SLC2A13: variants seen among roughly 807,000 people sequenced by gnomAD.
SLC2A13 encodes the protein proton myo-inositol cotransporter.
In SLC2A13, 32 loss-of-function variants were observed where a neutral mutation model predicts 64.4. The ratio of observed to expected loss-of-function variants is 0.50; its 90% CI spans 0.37 to 0.67. The LOEUF (loss-of-function observed/expected upper bound fraction) is 0.67, where lower values mean the gene tolerates loss of function less well. Ranked by LOEUF, SLC2A13 falls within the 30% of genes least tolerant of loss-of-function variation. SLC2A13 has a pLI of 0.00. For missense variants in SLC2A13, 743 were observed against 829.2 expected, an observed-to-expected ratio of 0.90 and a Z score of 1.28; for synonymous variants, 338 against 327.1, an observed-to-expected ratio of 1.03 and a Z score of -0.36.
At chr12:40,041,202 C>T (rs1289008915) in intron 2 of SLC2A13, among the ~76,000 whole-genome samples, 1 of 152,186 alleles carries the variant, frequency 6.6e-6, no homozygotes, top group East Asian at 1.9e-4. Context: ...AAACCCAAAT[C>T]TAATGTGTTA....
intron 3 of SLC2A13, among the ~76,000 whole-genome samples, chr12:39,971,997 A>ATATATATATATATATATATATAT (rs1555144633): frequency 1.0e-4 from 8 of 77,346 alleles, no homozygotes; most frequent in Non-Finnish European, 1.2e-4. Flanking sequence ...AAAAAAAAAA[A>ATATATATATATATATATATATAT]ATATATATAT....
intron 6 of SLC2A13, among the ~76,000 whole-genome samples, chr12:39,855,592 G>T (rs1943587200): frequency 6.6e-6 from 1 of 152,084 alleles, no homozygotes; most frequent in Non-Finnish European, 1.5e-5. Context: ...GTTGTTGTTT[G>T]TTTGTTTTTA....
intron 7 of SLC2A13, among the ~76,000 whole-genome samples, chr12:39,783,362 T>A (rs1941067920): frequency 6.6e-6 from 1 of 152,208 alleles, no homozygotes; most frequent in African/African-American, 2.4e-5. Flanking sequence ...GCAGCATGAT[T>A]TATAATTCTT....
chr12:40,055,083 T>C (rs1258298334), intron 1 of SLC2A13, among the ~76,000 whole-genome samples: 1 of 152,198 alleles, frequency 6.6e-6, no homozygotes, highest in African/African-American at 2.4e-5. Context: ...GCTGATATGT[T>C]TACATTTTTT....
At chr12:39,916,372 A>C (rs1403227368) in intron 4 of SLC2A13, among the ~76,000 whole-genome samples, 2 of 151,986 alleles carry the variant, frequency 1.3e-5, no homozygotes. Context: ...AAACATGTAG[A>C]TCTCCCTGTT....
At chr12:40,009,417 G>T (rs1361015899) in intron 3 of SLC2A13, among the ~76,000 whole-genome samples, 1 of 151,988 alleles carries the variant, frequency 6.6e-6, no homozygotes, top group Non-Finnish European at 1.5e-5. Flanking sequence ...AGAACATTAA[G>T]GTTTTTTTGT....
chr12:39,951,058 A>T (rs1946220747), intron 4 of SLC2A13, 199 bp downstream of exon 4: 3 of 454,242 alleles, frequency 6.6e-6, no homozygotes, highest in Non-Finnish European at 1.2e-5. Context: ...CATATAACAA[A>T]CAAAATAAAT....
chr12:39,913,383 TAAAC>T (rs1292460222), intron 4 of SLC2A13, among the ~76,000 whole-genome samples: 6 of 150,826 alleles, frequency 4.0e-5, no homozygotes, highest in African/African-American at 1.2e-4. Flanking sequence ...ATCGAAAAAA[TAAAC>T]AATAAAGTAC....
At chr12:39,971,983 G>GGAAAAA (rs1946653695) in intron 3 of SLC2A13, among the ~76,000 whole-genome samples, 1 of 95,808 alleles carries the variant, frequency 1.0e-5, no homozygotes. Flanking sequence ...AGTGTCTCCA[G>GGAAAAA]AAAAAAAAAA....
At chr12:40,063,098 G>A (rs1449418155) in intron 1 of SLC2A13, among the ~76,000 whole-genome samples, 1 of 151,600 alleles carries the variant, frequency 6.6e-6, no homozygotes, top group Non-Finnish European at 1.5e-5. Flanking sequence ...CCATTTTCCG[G>A]TATCTATTTT....
intron 7 of SLC2A13, among the ~76,000 whole-genome samples, chr12:39,771,321 G>C (rs1312469955): frequency 6.6e-6 from 1 of 152,152 alleles, no homozygotes; most frequent in Non-Finnish European, 1.5e-5. Context: ...ATGTGATTAA[G>C]TAAGTAAGAT....
chr12:39,853,607 CT>C (rs748984164), intron 6 of SLC2A13, among the ~76,000 whole-genome samples: 50 of 136,062 alleles, frequency 3.7e-4, no homozygotes, highest in Admixed American at 3.7e-4. Context: ...TTCTTTCTTT[CT>C]TTTTTTTTTT....
At chr12:40,103,946 C>G (rs1939221668) in intron 1 of SLC2A13, among the ~76,000 whole-genome samples, 1 of 152,162 alleles carries the variant, frequency 6.6e-6, no homozygotes, top group Non-Finnish European at 1.5e-5. Flanking sequence ...GTACAATAAA[C>G]AGCAAAAGGA....
chr12:40,084,029 A>T (rs1283303335), intron 1 of SLC2A13, among the ~76,000 whole-genome samples: 1 of 152,266 alleles, frequency 6.6e-6, no homozygotes, highest in South Asian at 2.1e-4. Context: ...ATACAAGTAT[A>T]GATTTGGGAG....
chr12:40,028,640 T>C, intron 2 of SLC2A13, 131 bp from the exon 3 acceptor site: 1 of 783,124 alleles, frequency 1.3e-6, no homozygotes, highest in Non-Finnish European at 2.0e-6. Context: ...TGTGCATTTA[T>C]GTGTGTGTCT....
intron 6 of SLC2A13, among the ~76,000 whole-genome samples, chr12:39,863,028 A>G (rs1943802503): frequency 6.6e-6 from 1 of 152,152 alleles, no homozygotes; most frequent in African/African-American, 2.4e-5. Flanking sequence ...TCAAATTCCC[A>G]CAAAGCCTAA....
chr12:39,821,283 G>A (rs1288694091), intron 7 of SLC2A13, among the ~76,000 whole-genome samples: 1 of 151,990 alleles, frequency 6.6e-6, no homozygotes, highest in Non-Finnish European at 1.5e-5. Flanking sequence ...GTTGGCGGGC[G>A]CCTGTAGTCC....
At chr12:39,880,057 C>T (rs890819047) in intron 4 of SLC2A13, among the ~76,000 whole-genome samples, 8 of 152,064 alleles carry the variant, frequency 5.3e-5, no homozygotes, top group Admixed American at 1.3e-4. Context: ...CTCTCTCTCT[C>T]GCGCTTGCTC....
chr12:39,904,957 C>A (rs1005278175), intron 4 of SLC2A13, among the ~76,000 whole-genome samples: 2 of 152,054 alleles, frequency 1.3e-5, no homozygotes, highest in Admixed American at 1.3e-4. Flanking sequence ...TTGATACAGA[C>A]GTGCAGGCAA....
Sources: allele counts gnomAD v4.1 joint callset (sites outside exome capture counted in the v4.1 genomes callset), GRCh38; gene constraint gnomAD v4.1.1; transcripts MANE v1.5; gene names NCBI Gene and HGNC (gene_info 2026-07-23, HGNC 2026-07-21).